The following ZMIZ2 variants were observed in gnomAD, a reference collection of about 807,000 sequenced individuals.
ZMIZ2 encodes the protein zinc finger MIZ-type containing 2.
In ZMIZ2, 26 loss-of-function variants were observed where a neutral mutation model predicts 93.9. The observed-to-expected ratio is 0.28, with a 90% CI of 0.20 to 0.38. ZMIZ2 has a LOEUF of 0.38. ZMIZ2 is among the 10% of genes least tolerant of loss of function. The pLI, the probability that ZMIZ2 is intolerant of heterozygous loss-of-function variation, is 1.00. For synonymous variants in ZMIZ2, 485 were observed against 516.4 expected, an observed-to-expected ratio of 0.94 and a Z score of 0.82; for missense variants, 1,023 against 1,235.0, an observed-to-expected ratio of 0.83 and a Z score of 2.57.
intron 6 of ZMIZ2, among the ~76,000 whole-genome samples, chr7:44,758,446 G>A (rs1790811118): frequency 6.6e-6 from 1 of 151,278 alleles, no homozygotes; most frequent in Non-Finnish European, 1.5e-5. Flanking sequence ...ACTTCAGGCT[G>A]GGCAACAGGA....
chr7:44,764,379 C>G (rs1433413447), intron 13 of ZMIZ2, 40 bp from the exon 14 acceptor site: 2 of 1,604,714 alleles, frequency 1.2e-6, no homozygotes, highest in Admixed American at 3.4e-5. Flanking sequence ...CCCTGTGCTA[C>G]CCACAATGAG....
chr7:44,754,151 G>A (rs1261965985), intron 1 of ZMIZ2, among the ~76,000 whole-genome samples: 1 of 152,220 alleles, frequency 6.6e-6, no homozygotes, highest in Non-Finnish European at 1.5e-5. Flanking sequence ...GTTTCTGGCT[G>A]TTGGCAGGTT....
In ZMIZ2 at chr7:44,763,336, A is replaced by G. The variant is rs768721773; in HGVS notation, c.1783A>G (p.Lys595Glu). The change falls in exon 13 of 19, where the codon AAG (lysine) becomes GAG (glutamate). Residue 595 changes from lysine to glutamate, a missense_variant. Transcript: ENST00000309315. The surrounding 1 kb of genome is among the most constrained non-coding windows in gnomAD (Gnocchi z 5.6). ...GGACGGGGTGGAGCAGACAGCTATC[A>G]AGGTGTCCCTGAAGTGCCCCATCAC... ...GEDGVEQTAI[K>E]VSLKCPITFR... The G allele has an allele frequency of 6.2e-7, 1 of 1,614,086 alleles. No individual in the cohort carries two copies. Among genetic ancestry groups the G allele is most frequent in the East Asian group, 2.2e-5 (1 of 44,876 alleles).
chr7:44,763,562 G>A lies in ZMIZ2; in HGVS notation c.1860+149G>A, dbSNP rs1287445358. The stretch of plus-strand genomic sequence containing the variant: ...CAGGCCTCCCACGCCAAGGAGGCAG[G>A]TGGGCCTGGCTCCCCCAAGACTAGG... On this transcript the variant is annotated intron_variant, in intron 13 of 18. Coordinates refer to ENST00000309315, the MANE Select transcript of ZMIZ2 (RefSeq NM_031449.4). The surrounding 1 kb of genome is among the most constrained non-coding windows in gnomAD (Gnocchi z 5.6). The A allele has an allele frequency of 8.7e-7, 1 of 1,150,808 alleles. No homozygotes were observed. The highest frequency in any genetic ancestry group is 2.5e-5 in the Admixed American group (1 of 39,890). 71.3% of individuals were successfully genotyped at this position (1,150,808 alleles called of 1,614,324 possible).
intron 1 of ZMIZ2, among the ~76,000 whole-genome samples, chr7:44,751,321 C>G (rs1465955039): frequency 6.6e-6 from 1 of 152,248 alleles, no homozygotes; most frequent in African/African-American, 2.4e-5. Flanking sequence ...GTTAGAAATT[C>G]TGGGCTTAGG....
In ZMIZ2 at chr7:44,765,766, GCA is replaced by G. The variant is rs1791649855; in HGVS notation, c.2242+190_2242+191del. 9.5e-7 allele frequency: 1 copy of G among 1,057,820 alleles called. No homozygotes were observed. Among genetic ancestry groups the G allele is most frequent in the African/African-American group, 1.6e-5 (1 of 62,420 alleles). 65.5% of individuals were successfully genotyped at this position (1,057,820 alleles called of 1,614,324 possible). On this transcript the variant is annotated intron_variant, in intron 16 of 18. Transcript: ENST00000309315. The surrounding 1 kb of genome is among the most constrained non-coding windows in gnomAD (Gnocchi z 4.1). Reference sequence around the variant, plus strand: ...CCATCTCAGGGACGTGGCGGTGAAGGCACAGTCTCAGCTATGGTCCCAGGAAA... The same window carrying G: ...CCATCTCAGGGACGTGGCGGTGAAGGCAGTCTCAGCTATGGTCCCAGGAAA...
In ZMIZ2 at chr7:44,768,199, ACCCCAGCTT is replaced by A. The variant is rs1791898794; in HGVS notation, c.*578_*586del. On this transcript the variant is annotated 3_prime_UTR_variant, in exon 19 of 19. Coordinates refer to ENST00000309315, the MANE Select transcript of ZMIZ2 (RefSeq NM_031449.4). ...TGTGTGGTGTCAGGTTCCTCTCCCC[ACCCCAGCTT>A]CAAGCAGAGGCCTCGGGGTGGGGGA... 6.3e-6 allele frequency: 1 copy of A among 157,614 alleles called. No individual in the cohort carries two copies. Among genetic ancestry groups the A allele is most frequent in the East Asian group, 1.9e-4 (1 of 5,288 alleles). The allele number at this position is 157,614 out of a possible 1,614,324, so 9.8% of individuals were successfully genotyped here. A position where few individuals can be genotyped will look rare whatever the true frequency, so the allele number is the denominator to read the frequency against.
chr7:44,759,801 T>G (rs943328810), intron 7 of ZMIZ2: 1 of 442,424 alleles, frequency 2.3e-6, no homozygotes, highest in African/African-American at 2.0e-5. Context: ...TTCCTTCTAC[T>G]TGCTGCAGAG....
chr7:44,765,424 A>C lies in ZMIZ2; in HGVS notation c.2087A>C (p.Asp696Ala). 1 of 1,611,324 alleles carries C rather than the reference A, an allele frequency of 6.2e-7. No homozygotes were observed. The highest frequency in any genetic ancestry group is 1.1e-5 in the South Asian group (1 of 91,086). Residue 696 changes from aspartate to alanine, a missense_variant, in exon 16 of 19, where the codon GAT becomes GCT. Physicochemically the swap from Asp to Ala is moderately radical, Grantham distance 126 (BLOSUM62 -2). This residue lies in a region of ZMIZ2 where 319 missense variants were observed against 358.8 expected (regional missense o/e 0.89). Coordinates refer to ENST00000309315, the MANE Select transcript of ZMIZ2 (RefSeq NM_031449.4). The surrounding 1 kb of genome is among the most constrained non-coding windows in gnomAD (Gnocchi z 4.1). Reference sequence around the variant, plus strand: ...GACATGCACATCAAGGAGGAGCCGGATGGGCCAGCACTGAAGCGCTGCCGC... The same window carrying C: ...GACATGCACATCAAGGAGGAGCCGGCTGGGCCAGCACTGAAGCGCTGCCGC... ...KPDMHIKEEP[D>A]GPALKRCRTV...
rs1439118804 is a variant in ZMIZ2, at chr7:44,760,335, T to C, written c.1072-90T>C. ...GGGGCCGCCTCCTGTCCACCTCTGTTATCATGGTTCCCAGTGGGTGCGCCG... is the reference window on the plus strand; with the variant it reads ...GGGGCCGCCTCCTGTCCACCTCTGTCATCATGGTTCCCAGTGGGTGCGCCG... On this transcript the variant is annotated intron_variant, in intron 8 of 18. Coordinates refer to ENST00000309315, the MANE Select transcript of ZMIZ2 (RefSeq NM_031449.4). 4 of 1,575,986 alleles carry C rather than the reference T, an allele frequency of 2.5e-6. No individual in the cohort carries two copies. The East Asian group carries it at 9.0e-5, about 35-fold the overall frequency.
At chr7:44,752,715 C>T (rs1790262093) in intron 1 of ZMIZ2, among the ~76,000 whole-genome samples, 1 of 152,106 alleles carries the variant, frequency 6.6e-6, no homozygotes, top group African/African-American at 2.4e-5. Flanking sequence ...ATATTGCATC[C>T]GGGCTATGGA....
chr7:44,760,280 T>TGGAGAGAG, intron 8 of ZMIZ2, 52 bp downstream of exon 8: 1 of 1,582,552 alleles, frequency 6.3e-7, no homozygotes, highest in East Asian at 2.3e-5. Flanking sequence ...GGTGGGCATA[T>TGGAGAGAG]GGAGAGAGGG....
In ZMIZ2 at chr7:44,762,533, C is replaced by T. The variant is rs141456618; in HGVS notation, c.1597-348C>T. 4.6e-5 allele frequency among the ~76,000 whole-genome samples: 7 copies of T among 152,338 alleles called. No individual in the cohort carries two copies. In the East Asian group the frequency reaches 1.4e-3, roughly 29 times the overall value. On this transcript the variant is annotated intron_variant, in intron 11 of 18. Transcript: ENST00000309315. ...GCAGATGTCAACACAGACCCAGCAT[C>T]TGTGACTGTGGATGTGCGAGCAGGG...
rs1451548372 is a variant in ZMIZ2, at chr7:44,765,054, G to T, written c.1997+45G>T. ...GATCCCTGCATCTGTGGCCACTGGA[G>T]GGCAGCCCCAGGACATGTCGGGGGA... On this transcript the variant is annotated intron_variant, in intron 15 of 18. Coordinates refer to ENST00000309315, the MANE Select transcript of ZMIZ2 (RefSeq NM_031449.4). The surrounding 1 kb of genome is among the most constrained non-coding windows in gnomAD (Gnocchi z 4.1). 1.2e-6 allele frequency: 2 copies of T among 1,608,624 alleles called. No individual in the cohort carries two copies. The highest frequency in any genetic ancestry group is 1.7e-6 in the Non-Finnish European group (2 of 1,175,288).
chr7:44,765,868 G>A lies in ZMIZ2; in HGVS notation c.2242+289G>A. 8.0e-7 allele frequency: 1 copy of A among 1,247,938 alleles called. No homozygotes were observed. Among genetic ancestry groups the A allele is most frequent in the Non-Finnish European group, 1.1e-6 (1 of 942,854 alleles). 77.3% of individuals were successfully genotyped at this position (1,247,938 alleles called of 1,614,324 possible). A position where few individuals can be genotyped will look rare whatever the true frequency, so the allele number is the denominator to read the frequency against. ...CTGGCTGGAACACCTCACAGGACTG[G>A]CCCCATCTGGGGCCCCCCTCTGGGA... On this transcript the variant is annotated intron_variant, in intron 16 of 18. Coordinates refer to ENST00000309315, the MANE Select transcript of ZMIZ2 (RefSeq NM_031449.4). This position sits in a 1 kb window ranked among gnomAD's most constrained non-coding sequence, Gnocchi z 4.1.
At position 44,768,547 on chromosome 7, in the gene ZMIZ2, C is replaced by T. The variant is rs1295149506; in HGVS notation, c.*924C>T. The T allele has an allele frequency of 6.6e-6, 1 of 152,336 alleles. No homozygotes were observed. The highest frequency in any genetic ancestry group is 1.5e-5 in the Non-Finnish European group (1 of 68,112). The allele number at this position is 152,336 out of a possible 1,614,324, so 9.4% of individuals were successfully genotyped here. A position where few individuals can be genotyped will look rare whatever the true frequency, so the allele number is the denominator to read the frequency against. On this transcript the variant is annotated 3_prime_UTR_variant, in exon 19 of 19. Coordinates refer to ENST00000309315, the MANE Select transcript of ZMIZ2 (RefSeq NM_031449.4). The stretch of plus-strand genomic sequence containing the variant: ...GTGTTTTTTAAAGCCACCTCTCTGT[C>T]TCCACCCCATGGGCCCACACCCAGG...
chr7:44,761,485 C>T lies in ZMIZ2; in HGVS notation c.1277C>T (p.Pro426Leu). ...TGTGACGAGTTGCGGCTGACCTTCCCTGTGCGCGATGGGGTGGTCCTGGAG... is the reference window on the plus strand; with the variant it reads ...TGTGACGAGTTGCGGCTGACCTTCCTTGTGCGCGATGGGGTGGTCCTGGAG... ...GPCDELRLTF[P>L]VRDGVVLEPF... is the part of the protein sequence containing the mutation. The change falls in exon 10 of 19, where the codon CCT (proline) becomes CTT (leucine). Residue 426 changes from proline to leucine, a missense_variant. Around this residue, in one of 3 missense-constraint regions of ZMIZ2, gnomAD observed 656 missense variants for 777.1 expected, o/e 0.84. Transcript: ENST00000309315. The surrounding 1 kb of genome is among the most constrained non-coding windows in gnomAD (Gnocchi z 5.8). The T allele has an allele frequency of 6.2e-7, 1 of 1,614,020 alleles. No individual in the cohort carries two copies.
chr7:44,763,466 G>A lies in ZMIZ2; in HGVS notation c.1860+53G>A. On this transcript the variant is annotated intron_variant, in intron 13 of 18. Coordinates refer to ENST00000309315, the MANE Select transcript of ZMIZ2 (RefSeq NM_031449.4). The surrounding 1 kb of genome is among the most constrained non-coding windows in gnomAD (Gnocchi z 5.6). ...GAATTTGCTGCTGCTAAAATATCTT[G>A]AGTCGATACATCAGTGTCATTCTCT... 1 of 1,604,096 alleles carries A rather than the reference G, an allele frequency of 6.2e-7. No homozygotes were observed. The highest frequency in any genetic ancestry group is 2.2e-5 in the East Asian group (1 of 44,782).
At chr7:44,756,662 G>A in intron 3 of ZMIZ2, 123 bp downstream of exon 3, 2 of 1,094,278 alleles carry the variant, frequency 1.8e-6, no homozygotes, top group South Asian at 1.4e-5. Flanking sequence ...AGAGGCTGAG[G>A]CATGACATAT....
Sources: gnomAD v4.1 joint callset for allele counts (sites outside exome capture counted in the v4.1 genomes callset) on GRCh38, gnomAD v4.1.1 for gene constraint, gnomAD v4.1.1 regional missense constraint, Gnocchi (gnomAD v3.1) non-coding constraint, MANE v1.5 for transcripts, NCBI Gene and HGNC (gene_info 2026-07-23, HGNC 2026-07-21) for gene names.